The following KIF3B variants were observed in gnomAD, a reference collection of about 807,000 sequenced individuals.
KIF3B encodes kinesin-like protein KIF3B.
Under a neutral mutation model 74.3 loss-of-function variants are expected in KIF3B, and 38 were observed. The ratio of observed to expected loss-of-function variants is 0.51; its 90% confidence interval spans 0.39 to 0.67. The LOEUF (loss-of-function observed/expected upper bound fraction) is 0.67. Among genes scored for constraint, KIF3B ranks in the 30% least tolerant of loss-of-function variants. The pLI is 0.00. For synonymous variants in KIF3B, 326 were observed against 342.5 expected, an observed-to-expected ratio of 0.95 and a Z score of 0.53; for missense variants, 649 against 932.0, an observed-to-expected ratio of 0.70 and a Z score of 3.95.
At chr20:32,322,417 C>T (rs889655101) in intron 5 of KIF3B, among the ~76,000 whole-genome samples, 9 of 149,914 alleles carry the variant, frequency 6.0e-5, no homozygotes, top group Admixed American at 1.4e-4. Context: ...GAGACCAGCC[C>T]GGCCAACATG....
intron 2 of KIF3B, 127 bp downstream of exon 2, chr20:32,311,308 A>C: frequency 4.4e-5 from 43 of 971,930 alleles, no homozygotes; most frequent in Non-Finnish European, 5.7e-5. Flanking sequence ...CCAACAGCTC[A>C]TGATATCCAG....
At chr20:32,323,471 C>G (rs1246854415) in intron 5 of KIF3B, among the ~76,000 whole-genome samples, 2 of 151,420 alleles carry the variant, frequency 1.3e-5, no homozygotes, top group African/African-American at 4.9e-5. Flanking sequence ...GCGGTCTCGG[C>G]TCACTGCAAA....
rs1281001249 is a variant in KIF3B at position 32,310,933 on chromosome 20, G to A, written c.1156G>A (p.Gly386Ser). The change falls in exon 2 of 9, where the codon GGT becomes AGT. Residue 386 changes from glycine (G) to serine (S), a missense_variant. By Grantham distance (56) the Gly-to-Ser change is moderately conservative. Transcript: ENST00000375712. This position sits in a 1 kb window ranked among gnomAD's most constrained non-coding sequence, Gnocchi z 6.5. ...GAAGAGGCGAGAGAAGCGGAGGGAA[G>A]GTGGTGGCAGTGGTGGGGGTGGGGA... ...RRKRREKRRE[G>S]GGSGGGGEEE... 1.2e-6 allele frequency: 2 copies of A among 1,613,588 alleles called. No homozygotes were observed. Among genetic ancestry groups the A allele is most frequent in the Non-Finnish European group, 1.7e-6 (2 of 1,179,760 alleles).
chr20:32,330,618 A>C (rs2047925642), intron 8 of KIF3B, among the ~76,000 whole-genome samples: 1 of 152,266 alleles, frequency 6.6e-6, no homozygotes, highest in Admixed American at 6.5e-5. Context: ...AGTGCTTTAC[A>C]AACATTCTCT....
At chr20:32,299,601 A>AGGGTTTC (rs1297331033) in intron 1 of KIF3B, among the ~76,000 whole-genome samples, 2 of 150,220 alleles carry the variant, frequency 1.3e-5, no homozygotes, top group African/African-American at 4.9e-5. Context: ...TAGTAGAGAG[A>AGGGTTTC]GGGTTTCGCC....
At chr20:32,324,547 CTG>C (rs1285953239) in intron 5 of KIF3B, among the ~76,000 whole-genome samples, 1 of 152,134 alleles carries the variant, frequency 6.6e-6, no homozygotes, top group Non-Finnish European at 1.5e-5. Context: ...TTTCAAAACT[CTG>C]TAGGTAACGT....
In KIF3B at chr20:32,325,956, C is replaced by T. The variant is rs1278772314; in HGVS notation, c.1749-815C>T. ...TGTTAGGATTACAGACATGAGCCAC[C>T]GTGCCTGGCCTATATCTCTTTTTAT... On this transcript the variant is annotated intron_variant, in intron 5 of 8. Transcript: ENST00000375712. Among the ~76,000 whole-genome samples the T allele has an allele frequency of 4.6e-5, 7 of 152,134 alleles. No individual in the cohort carries two copies. The East Asian group carries it at 1.4e-3, about 29-fold the overall frequency.
chr20:32,312,120 C>CTTT (rs35069528), intron 2 of KIF3B, among the ~76,000 whole-genome samples: 1 of 136,828 alleles, frequency 7.3e-6, no homozygotes, highest in East Asian at 2.1e-4. Flanking sequence ...TTCTTTCTTT[C>CTTT]TTTTTTTTTT....
intron 7 of KIF3B, among the ~76,000 whole-genome samples, chr20:32,329,358 T>C (rs879670230): frequency 6.6e-6 from 1 of 151,200 alleles, no homozygotes; most frequent in Non-Finnish European, 1.5e-5. Flanking sequence ...TTCTTTTTTT[T>C]TTTTTTTTTG....
Position 32,330,194 on chromosome 20 carries a change from CTA to C in KIF3B, c.2024_2025del (p.Tyr675Ter). On this transcript the variant is annotated frameshift_variant, in exon 8 of 9. Coordinates refer to ENST00000375712, the MANE Select transcript of KIF3B (RefSeq NM_004798.4). LOFTEE classifies it high-confidence loss of function. ...LDMPSRTTRD[Y>X]EGPAIAPKVQ... ...ACATGCCCAGCCGGACCACCAGAGACTATGAGGGTCCAGCCATTGCCCCCAAG... is the reference window on the plus strand; with the variant it reads ...ACATGCCCAGCCGGACCACCAGAGACTGAGGGTCCAGCCATTGCCCCCAAG... 1.2e-6 allele frequency: 2 copies of C among 1,614,106 alleles called. No homozygotes were observed. The highest frequency in any genetic ancestry group is 1.7e-6 in the Non-Finnish European group (2 of 1,180,010).
intron 1 of KIF3B, among the ~76,000 whole-genome samples, chr20:32,299,698 C>G (rs1455754606): frequency 1.3e-5 from 2 of 151,434 alleles, no homozygotes; most frequent in African/African-American, 4.9e-5. Context: ...AGGCGTGAGC[C>G]ACCACACCCA....
chr20:32,331,477 G>T lies in KIF3B; in HGVS notation c.*158G>T. 1 of 592,906 alleles carries T rather than the reference G, an allele frequency of 1.7e-6. No homozygotes were observed. The highest frequency in any genetic ancestry group is 3.0e-5 in the East Asian group (1 of 33,666). The allele number at this position is 592,906 out of a possible 1,614,324, so 36.7% of individuals were successfully genotyped here. On this transcript the variant is annotated 3_prime_UTR_variant, in exon 9 of 9. Coordinates refer to ENST00000375712, the MANE Select transcript of KIF3B (RefSeq NM_004798.4). Reference sequence around the variant, plus strand: ...ATCAACCAACTTAATCTGGTTGAACGTGCTGTTCCTAATCTGGCACTCAGC... The same window carrying T: ...ATCAACCAACTTAATCTGGTTGAACTTGCTGTTCCTAATCTGGCACTCAGC...
intron 2 of KIF3B, among the ~76,000 whole-genome samples, chr20:32,314,595 T>G (rs757385466): frequency 4.0e-5 from 6 of 151,228 alleles, no homozygotes; most frequent in South Asian, 4.2e-4. Flanking sequence ...GTATGTGGAG[T>G]TTAGCAATCT....
In KIF3B at chr20:32,330,218, C is replaced by A. The variant is rs763242158; in HGVS notation, c.2046C>A (p.Pro682=). 1 of 1,614,136 alleles carries A rather than the reference C, an allele frequency of 6.2e-7. No homozygotes were observed. Among genetic ancestry groups the A allele is most frequent in the Non-Finnish European group, 8.5e-7 (1 of 1,179,998 alleles). ...ACTATGAGGGTCCAGCCATTGCCCC[C>A]AAGGTCCAGGCTGCATTGGATGCGG... is the stretch of plus-strand genomic sequence containing the variant. The part of the protein sequence containing the change: ...TRDYEGPAIA[P]KVQAALDAAL... The change falls in exon 8 of 9, where the codon CCC becomes CCA. Residue 682 remains proline, a synonymous_variant. Coordinates refer to ENST00000375712, the MANE Select transcript of KIF3B (RefSeq NM_004798.4).
chr20:32,311,155 G>A lies in KIF3B; in HGVS notation c.1378G>A (p.Ala460Thr), dbSNP rs200187392. The A allele has an allele frequency of 2.2e-5, 36 of 1,611,066 alleles. No homozygotes were observed. The highest frequency in any genetic ancestry group is 3.4e-4 in the Middle Eastern group (2 of 5,892). ...GGACCTGCGGCGGGAGAAGGATGCT[G>A]CCGAGATGCTGGGCGCCAAGATCAA... is the stretch of plus-strand genomic sequence containing the variant. ...MEDLRREKDA[A>T]EMLGAKIKAM... The change falls in exon 2 of 9, where the codon GCC (alanine) becomes ACC (threonine). Residue 460 changes from alanine (A) to threonine (T), a missense_variant. This residue lies in a region of KIF3B where 363 missense variants were observed against 592.8 expected (regional missense o/e 0.61). Transcript: ENST00000375712.
At chr20:32,328,045 G>A (rs557888640) in intron 7 of KIF3B, among the ~76,000 whole-genome samples, 1 of 152,172 alleles carries the variant, frequency 6.6e-6, no homozygotes, top group Non-Finnish European at 1.5e-5. Flanking sequence ...AGGCTGCATT[G>A]AGCCAAGATC....
intron 1 of KIF3B, among the ~76,000 whole-genome samples, chr20:32,303,729 C>T (rs1364731245): frequency 6.6e-6 from 1 of 151,534 alleles, no homozygotes; most frequent in Non-Finnish European, 1.5e-5. Context: ...TTGGTGGGCA[C>T]CTGTAATCCC....
In KIF3B at chr20:32,310,119, A is replaced by G; in HGVS notation, c.342A>G (p.Glu114=). The change falls in exon 2 of 9, where the codon GAA becomes GAG. Residue 114 remains glutamate (E), a synonymous_variant. Transcript: ENST00000375712. The surrounding 1 kb of genome is among the most constrained non-coding windows in gnomAD (Gnocchi z 6.5). The part of the protein sequence containing the change: ...YTMEGIRGDP[E]KRGVIPNSFD... ...TGGAAGGAATCCGTGGTGACCCTGAAAAAAGAGGAGTCATTCCTAACTCAT... is the reference window on the plus strand; with the variant it reads ...TGGAAGGAATCCGTGGTGACCCTGAGAAAAGAGGAGTCATTCCTAACTCAT... 1.9e-6 allele frequency: 3 copies of G among 1,614,170 alleles called. No individual in the cohort carries two copies. Among genetic ancestry groups the G allele is most frequent in the Non-Finnish European group, 2.5e-6 (3 of 1,180,018 alleles).
chr20:32,277,698 T>TCGCCGCCCCCGCCGCCGCCGCCGC lies in KIF3B; in HGVS notation c.-125_-102dup. On this transcript the variant is annotated 5_prime_UTR_variant, in exon 1 of 9. Coordinates refer to ENST00000375712, the MANE Select transcript of KIF3B (RefSeq NM_004798.4). Reference sequence around the variant, plus strand: ...AGCGGGGAATGGCTGAGCCAGGGGTTCGCCGCCCCCGCCGCCGCCGCCGCC... The same window carrying TCGCCGCCCCCGCCGCCGCCGCCGC: ...AGCGGGGAATGGCTGAGCCAGGGGTTCGCCGCCCCCGCCGCCGCCGCCGCCGCCGCCCCCGCCGCCGCCGCCGCC... The TCGCCGCCCCCGCCGCCGCCGCCGC allele has an allele frequency of 3.8e-6, 1 of 260,232 alleles. No individual in the cohort carries two copies. Among genetic ancestry groups the TCGCCGCCCCCGCCGCCGCCGCCGC allele is most frequent in the Non-Finnish European group, 7.0e-6 (1 of 143,082 alleles). The allele number at this position is 260,232 out of a possible 1,614,324, so 16.1% of individuals were successfully genotyped here.
Sources: gnomAD v4.1 joint callset for allele counts (sites outside exome capture counted in the v4.1 genomes callset) on GRCh38, gnomAD v4.1.1 for gene constraint, gnomAD v4.1.1 regional missense constraint, Gnocchi (gnomAD v3.1) non-coding constraint, MANE v1.5 for transcripts, NCBI Gene and HGNC (gene_info 2026-07-23, HGNC 2026-07-21) for gene names.